DGKE: variants seen among roughly 807,000 people sequenced by gnomAD.
DGKE encodes the protein DAG kinase epsilon.
In DGKE, 53 loss-of-function variants were observed where a neutral mutation model predicts 70.0. The ratio of observed to expected loss-of-function variants is 0.76; its 90% CI spans 0.61 to 0.95. DGKE has a LOEUF of 0.95. Ranked by LOEUF, DGKE falls within the 40% of genes least tolerant of loss-of-function variation. The pLI, the probability that DGKE is intolerant of heterozygous loss-of-function variation, is 0.00. For missense variants in DGKE, 655 were observed against 706.9 expected, an observed-to-expected ratio of 0.93 and a Z score of 0.83; for synonymous variants, 291 against 257.0, an observed-to-expected ratio of 1.13 and a Z score of -1.27.
chr17:56,836,653 C>T (rs1906640974), intron 2 of DGKE, among the ~76,000 whole-genome samples: 1 of 152,240 alleles, frequency 6.6e-6, no homozygotes, highest in Non-Finnish European at 1.5e-5. Context: ...AGTCCCTGCT[C>T]TGCTTAAAAT....
chr17:56,853,389 G>C (rs1036586829), intron 7 of DGKE, among the ~76,000 whole-genome samples: 4 of 152,198 alleles, frequency 2.6e-5, no homozygotes, highest in African/African-American at 7.2e-5. Flanking sequence ...CCAATGTCAT[G>C]AAGCTTTTTC....
chr17:56,835,615 T>C (rs1434484178), intron 2 of DGKE: 3 of 372,790 alleles, frequency 8.0e-6, no homozygotes, highest in South Asian at 1.0e-4. Flanking sequence ...AAATGAAATA[T>C]GGACAAATTA....
At chr17:56,852,693 TATC>T (rs1383455194) in intron 7 of DGKE, among the ~76,000 whole-genome samples, 16 of 152,356 alleles carry the variant, frequency 1.1e-4, no homozygotes, top group African/African-American at 3.6e-4. Flanking sequence ...ATTTGTCAGT[TATC>T]ATAGTGCCTG....
At chr17:56,856,713 A>T (rs1907972221) in intron 8 of DGKE, 88 bp downstream of exon 8, 1 of 1,425,054 alleles carries the variant, frequency 7.0e-7, no homozygotes, top group Admixed American at 2.7e-5. Flanking sequence ...TCCTAGATTC[A>T]GATTTAACTA....
At position 56,862,869 on chromosome 17, in the gene DGKE, T is replaced by C. The variant is rs369803479; in HGVS notation, c.*78T>C. ...GTTCATCCAAAAGTATTAATAGAAATTCTCTATCAGCTATTCAGTCTTAAT... is the reference window on the plus strand; with the variant it reads ...GTTCATCCAAAAGTATTAATAGAAACTCTCTATCAGCTATTCAGTCTTAAT... On this transcript the variant is annotated 3_prime_UTR_variant, in exon 12 of 12. Coordinates refer to ENST00000284061, the MANE Select transcript of DGKE (RefSeq NM_003647.3). 1.6e-6 allele frequency: 2 copies of C among 1,263,932 alleles called. No individual in the cohort carries two copies. Among genetic ancestry groups the C allele is most frequent in the South Asian group, 4.2e-5 (2 of 47,510 alleles). The allele number at this position is 1,263,932 out of a possible 1,614,324, so 78.3% of individuals were successfully genotyped here.
rs1341139463 is a variant in DGKE, at chr17:56,835,021, G to T, written c.226G>T (p.Val76Leu). The T allele has an allele frequency of 1.2e-6, 2 of 1,612,782 alleles. No homozygotes were observed. The highest frequency in any genetic ancestry group is 1.7e-5 in the Admixed American group (1 of 60,016). ...GTTCAGCCAGCCCACCTACTGCTGC[G>T]TGTGCGCGCAGCACATTCTGCAGGG... ...DLFSQPTYCC[V>L]CAQHILQGAF... Residue 76 changes from valine to leucine, a missense_variant, in exon 2 of 12, where the codon GTG becomes TTG. Transcript: ENST00000284061.
At chr17:56,844,503 A>T (rs1380509427) in intron 3 of DGKE, among the ~76,000 whole-genome samples, 1 of 152,190 alleles carries the variant, frequency 6.6e-6, no homozygotes, top group African/African-American at 2.4e-5. Context: ...ATTTCTGAGT[A>T]GTACCTTCAT....
chr17:56,849,086 G>A, intron 6 of DGKE, 95 bp from the exon 7 acceptor site: 2 of 1,315,942 alleles, frequency 1.5e-6, no homozygotes, highest in Non-Finnish European at 2.1e-6. Context: ...TACTTTTGTA[G>A]ATGGTATTTT....
chr17:56,837,811 G>A (rs1648342458), intron 2 of DGKE, among the ~76,000 whole-genome samples: 1 of 152,170 alleles, frequency 6.6e-6, no homozygotes. Context: ...ACTAATGAGA[G>A]ATGATGACTG....
At chr17:56,858,071 CAAAAAAAAAAAA>C (rs11449627) in intron 8 of DGKE, among the ~76,000 whole-genome samples, 1 of 100,538 alleles carries the variant, frequency 9.9e-6, no homozygotes, top group Admixed American at 1.2e-4. Context: ...GACTCCATCT[CAAAAAAAAAAAA>C]AAAAAAGAAA....
chr17:56,845,927 G>T (rs779100923), intron 4 of DGKE, 118 bp downstream of exon 4: 14 of 1,119,440 alleles, frequency 1.3e-5, no homozygotes, highest in Non-Finnish European at 1.7e-5. Context: ...ATTACAAAAA[G>T]ATCAGCCATT....
intron 2 of DGKE, among the ~76,000 whole-genome samples, chr17:56,839,609 C>A: frequency 6.6e-6 from 1 of 152,140 alleles, no homozygotes; most frequent in East Asian, 1.9e-4. Context: ...GCCTTAGCCT[C>A]CCAGGTTCAA....
chr17:56,848,200 C>T (rs946472591), intron 5 of DGKE, 135 bp downstream of exon 5: 3 of 512,394 alleles, frequency 5.9e-6, no homozygotes, highest in Admixed American at 4.9e-5. Flanking sequence ...CACTGTCACC[C>T]AGGCTGGAGT....
Position 56,865,036 on chromosome 17 carries a change from T to C in DGKE, c.*2245T>C, listed in dbSNP as rs1267710605. On this transcript the variant is annotated 3_prime_UTR_variant, in exon 12 of 12. Coordinates refer to ENST00000284061, the MANE Select transcript of DGKE (RefSeq NM_003647.3). ...TTAGACTTCATTTAGGGAAGCTATT[T>C]CAGAATACCATCTCATAAAATGTAT... is the stretch of plus-strand genomic sequence containing the variant. 6.6e-6 allele frequency: 1 copy of C among 152,166 alleles called. No homozygotes were observed. Among genetic ancestry groups the C allele is most frequent in the Non-Finnish European group, 1.5e-5 (1 of 68,002 alleles). 9.4% of individuals were successfully genotyped at this position (152,166 alleles called of 1,614,324 possible). A position where few individuals can be genotyped will look rare whatever the true frequency, so the allele number is the denominator to read the frequency against.
chr17:56,866,119 T>A lies in DGKE; in HGVS notation c.*3328T>A, dbSNP rs1464294215. The A allele has an allele frequency of 6.6e-6, 1 of 152,258 alleles. No homozygotes were observed. Among genetic ancestry groups the A allele is most frequent in the East Asian group, 1.9e-4 (1 of 5,202 alleles). 9.4% of individuals were successfully genotyped at this position (152,258 alleles called of 1,614,324 possible). On this transcript the variant is annotated 3_prime_UTR_variant, in exon 12 of 12. Transcript: ENST00000284061. ...TGTTTATCCCAATCTGAATTCATTC[T>A]CAGCAACAAGACAGAAAAGGTGGTT...
At chr17:56,843,753 A>G (rs1418694024) in intron 2 of DGKE, among the ~76,000 whole-genome samples, 2 of 150,066 alleles carry the variant, frequency 1.3e-5, no homozygotes, top group African/African-American at 2.4e-5. Flanking sequence ...AGCTGAGATC[A>G]TGCCACTGCA....
intron 7 of DGKE, 74 bp downstream of exon 7, chr17:56,849,306 C>A: frequency 7.4e-7 from 1 of 1,358,690 alleles, no homozygotes; most frequent in South Asian, 1.3e-5. Context: ...TGGTGGGATA[C>A]AGAGACCTGG....
intron 7 of DGKE, among the ~76,000 whole-genome samples, chr17:56,855,448 G>A (rs1216957518): frequency 6.6e-6 from 1 of 152,068 alleles, no homozygotes; most frequent in Non-Finnish European, 1.5e-5. Context: ...ACTTTTTTCA[G>A]TGAGGCAAGA....
In DGKE at chr17:56,864,963, A is replaced by G. The variant is rs1443760207; in HGVS notation, c.*2172A>G. On this transcript the variant is annotated 3_prime_UTR_variant, in exon 12 of 12. Transcript: ENST00000284061. ...TATTGTAATCTAGTAAGGTTTTTGC[A>G]TCACTACTGGTCTGTCATGAAGTTT... 1 of 152,186 alleles carries G rather than the reference A, an allele frequency of 6.6e-6. No homozygotes were observed. 9.4% of individuals were successfully genotyped at this position (152,186 alleles called of 1,614,324 possible).
Sources: allele counts gnomAD v4.1 joint callset (sites outside exome capture counted in the v4.1 genomes callset), GRCh38; gene constraint gnomAD v4.1.1; transcripts MANE v1.5; gene names NCBI Gene and HGNC (gene_info 2026-07-23, HGNC 2026-07-21).